The following ZSWIM4 variants were observed in gnomAD, a reference collection of about 807,000 sequenced individuals.
ZSWIM4 encodes zinc finger SWIM domain-containing protein 4.
ZSWIM4 carries 62 observed loss-of-function variants against 102.5 expected under a neutral mutation model. The ratio of observed to expected loss-of-function variants is 0.60; its 90% CI spans 0.49 to 0.75. The LOEUF is 0.75. ZSWIM4 is among the 30% of genes least tolerant of loss of function. The probability of loss-of-function intolerance (pLI) is 0.00; values close to 1 mark genes in which losing one functional copy is unlikely to be tolerated. For missense variants in ZSWIM4, 1,280 were observed against 1,529.6 expected (o/e 0.84, Z 2.72); for synonymous variants, 652 against 674.5 (o/e 0.97, Z 0.52).
chr19:13,810,167 TG>T (rs1442068062), intron 5 of ZSWIM4, among the ~76,000 whole-genome samples: 2 of 151,330 alleles, frequency 1.3e-5, no homozygotes, highest in African/African-American at 4.9e-5. Flanking sequence ...GCTAATTTTT[TG>T]TATTTTTTTT....
In ZSWIM4 at chr19:13,810,770, C is replaced by T. The variant is rs182477446; in HGVS notation, c.1012+1550C>T. Among the ~76,000 whole-genome samples, 178 of 151,660 alleles carry T rather than the reference C, an allele frequency of 1.2e-3. 1 individual carries two copies. Among genetic ancestry groups the T allele is most frequent in the East Asian group, 7.8e-4 (4 of 5,160 alleles). ...GACTACAGAGGCCCACCACCACGCC[C>T]GGCTAATTTTTTTGTATTTTTAGTA... is the stretch of plus-strand genomic sequence containing the variant. On this transcript the variant is annotated intron_variant, in intron 5 of 13. Coordinates refer to ENST00000590508, the MANE Select transcript of ZSWIM4 (RefSeq NM_001367834.3).
chr19:13,816,744 T>C (rs887193106), intron 7 of ZSWIM4, among the ~76,000 whole-genome samples: 9 of 151,002 alleles, frequency 6.0e-5, no homozygotes, highest in African/African-American at 2.2e-4. Flanking sequence ...GGGAAGAGAG[T>C]ACGTGGCTTG....
At chr19:13,804,617 A>G (rs559192690) in intron 2 of ZSWIM4, among the ~76,000 whole-genome samples, 175 bp from the exon 3 acceptor site, 12 of 151,964 alleles carry the variant, frequency 7.9e-5, no homozygotes, top group Non-Finnish European at 1.3e-4. Context: ...ACTACACTCC[A>G]GCCTGGGCCA....
At chr19:13,817,471 C>T in intron 8 of ZSWIM4, 118 bp downstream of exon 8, 1 of 1,354,810 alleles carries the variant, frequency 7.4e-7, no homozygotes. Flanking sequence ...CACGCCCCTA[C>T]CCTTGGCTAC....
At chr19:13,808,035 C>G (rs1347398568) in intron 3 of ZSWIM4, among the ~76,000 whole-genome samples, 6 of 152,064 alleles carry the variant, frequency 3.9e-5, no homozygotes, top group Non-Finnish European at 7.3e-5. Flanking sequence ...CTTCACATGG[C>G]TGTCAGGAGA....
chr19:13,807,754 CATGG>C (rs368459784), intron 3 of ZSWIM4, among the ~76,000 whole-genome samples: 4,226 of 139,278 alleles, frequency 0.03, 94 homozygotes, highest in African/African-American at 0.066. Flanking sequence ...TGGATGGATG[CATGG>C]ATGGATGGAT....
intron 3 of ZSWIM4, among the ~76,000 whole-genome samples, chr19:13,808,314 T>G (rs1325695863): frequency 6.6e-6 from 1 of 151,168 alleles, no homozygotes; most frequent in Non-Finnish European, 1.5e-5. Context: ...ACAAGATAGA[T>G]GGATTGATGG....
Position 13,809,248 on chromosome 19 carries a change from G to A in ZSWIM4, c.1012+28G>A. 6.4e-7 allele frequency: 1 copy of A among 1,570,448 alleles called. No homozygotes were observed. Among genetic ancestry groups the A allele is most frequent in the Non-Finnish European group, 8.6e-7 (1 of 1,157,980 alleles). ...GAGGCCCAAACCCCGGTGCGTGGTG[G>A]ACACCGGGACTTCGGCTCCCATGGG... On this transcript the variant is annotated intron_variant, in intron 5 of 13. Transcript: ENST00000590508. This position sits in a 1 kb window ranked among gnomAD's most constrained non-coding sequence, Gnocchi z 4.2.
At chr19:13,800,446 TAG>T (rs1449664931) in intron 2 of ZSWIM4, among the ~76,000 whole-genome samples, 33 of 151,964 alleles carry the variant, frequency 2.2e-4, no homozygotes, top group African/African-American at 7.7e-4. Flanking sequence ...TTTGTATTTT[TAG>T]TAGAGACGGG....
rs1485748052 is a variant in ZSWIM4, at chr19:13,808,827, T to C, written c.713-9T>C. 5.5e-6 allele frequency: 8 copies of C among 1,449,554 alleles called. No homozygotes were observed. The highest frequency in any genetic ancestry group is 7.4e-6 in the Non-Finnish European group (8 of 1,083,238). The allele number at this position is 1,449,554 out of a possible 1,614,324, so 89.8% of individuals were successfully genotyped here. A position where few individuals can be genotyped will look rare whatever the true frequency, so the allele number is the denominator to read the frequency against. ...CCAGCCTCAGCTTCCTTTCCCTCCC[T>C]CCCGGCAGGTGCCCCAGACCCCACC... On this transcript the variant is annotated splice_polypyrimidine_tract_variant and intron_variant, in intron 3 of 13. Transcript: ENST00000590508.
chr19:13,820,144 G>T (rs182830044), intron 10 of ZSWIM4, among the ~76,000 whole-genome samples: 301 of 152,112 alleles, frequency 2.0e-3, no homozygotes, highest in Non-Finnish European at 3.5e-3. Context: ...TGATCCACCC[G>T]CCTTGGCCTC....
intron 10 of ZSWIM4, among the ~76,000 whole-genome samples, chr19:13,819,929 C>T (rs1035421398): frequency 6.6e-6 from 1 of 151,658 alleles, no homozygotes; most frequent in African/African-American, 2.4e-5. Context: ...CTCCCAGGGC[C>T]GATCTCAGCT....
chr19:13,817,341 A>G lies in ZSWIM4; in HGVS notation c.1657A>G (p.Thr553Ala). The change falls in exon 8 of 14, where the codon ACC becomes GCC. Residue 553 changes from threonine (T) to alanine (A), a missense_variant. Physicochemically the swap from Thr to Ala is moderately conservative, Grantham distance 58. Coordinates refer to ENST00000590508, the MANE Select transcript of ZSWIM4 (RefSeq NM_001367834.3). ...EACRLEEETL[T>A]LYPDSGPEKR... Reference sequence around the variant, plus strand: ...CTGTCGTCTGGAGGAGGAGACACTTACCCTTTACCCAGGTACTCACATGGG... The same window carrying G: ...CTGTCGTCTGGAGGAGGAGACACTTGCCCTTTACCCAGGTACTCACATGGG... 1 of 1,613,194 alleles carries G rather than the reference A, an allele frequency of 6.2e-7. No homozygotes were observed.
Position 13,814,616 on chromosome 19 carries a change from C to A in ZSWIM4, c.1282C>A (p.Gln428Lys), listed in dbSNP as rs1364368415. The change falls in exon 7 of 14, where the codon CAG (glutamine) becomes AAG (lysine). Residue 428 changes from glutamine (Q) to lysine (K), a missense_variant. Transcript: ENST00000590508. ...GCTACACTGGAATGACGCCTACCTG[C>A]AGAGGATCCTGGCCAGTGACTCCTA... is the stretch of plus-strand genomic sequence containing the variant. The part of the protein sequence containing the change: ...GELHWNDAYL[Q>K]RILASDSYGP... 2 of 1,247,680 alleles carry A rather than the reference C, an allele frequency of 1.6e-6. No individual in the cohort carries two copies. The highest frequency in any genetic ancestry group is 2.1e-6 in the Non-Finnish European group (2 of 960,560). The allele number at this position is 1,247,680 out of a possible 1,614,324, so 77.3% of individuals were successfully genotyped here.
At chr19:13,817,468 CT>C in intron 8 of ZSWIM4, 115 bp downstream of exon 8, 1 of 1,350,254 alleles carries the variant, frequency 7.4e-7, no homozygotes, top group African/African-American at 1.5e-5. Flanking sequence ...GGCCACGCCC[CT>C]ACCCTTGGCT....
intron 1 of ZSWIM4, among the ~76,000 whole-genome samples, chr19:13,797,765 G>A (rs896968853): frequency 1.1e-4 from 16 of 152,242 alleles, no homozygotes; most frequent in Admixed American, 3.9e-4. Context: ...CAATTCTCCC[G>A]CCTCAGCCTC....
rs1366052056 is a variant in ZSWIM4, at chr19:13,813,075, G to A, written c.1091G>A (p.Arg364Lys). 2 of 1,614,008 alleles carry A rather than the reference G, an allele frequency of 1.2e-6. No individual in the cohort carries two copies. The highest frequency in any genetic ancestry group is 2.2e-5 in the East Asian group (1 of 44,872). The change falls in exon 6 of 14, where the codon AGG (arginine) becomes AAG (lysine). Residue 364 changes from arginine (R) to lysine (K), a missense_variant. Arg to Lys is a conservative substitution (Grantham distance 26, BLOSUM62 2). Coordinates refer to ENST00000590508, the MANE Select transcript of ZSWIM4 (RefSeq NM_001367834.3). ...ERAGWLQLLS[R>K]WDKLDVCPLE... ...GCAGGCTGGCTCCAGCTACTCAGCA[G>A]GTGGGACAAGCTCGACGTCTGCCCA...
At position 13,831,209 on chromosome 19, in the gene ZSWIM4, C is replaced by A; in HGVS notation, c.*159C>A. On this transcript the variant is annotated 3_prime_UTR_variant, in exon 14 of 14. Coordinates refer to ENST00000590508, the MANE Select transcript of ZSWIM4 (RefSeq NM_001367834.3). ...GGAGCAGCATCCTGCCACGTGTGTG[C>A]CTGGGAGTCTGTGAGCAAGTGTGCA... The A allele has an allele frequency of 1.1e-6, 1 of 922,034 alleles. No homozygotes were observed. The highest frequency in any genetic ancestry group is 1.6e-6 in the Non-Finnish European group (1 of 634,716). 57.1% of individuals were successfully genotyped at this position (922,034 alleles called of 1,614,324 possible).
chr19:13,831,126 C>A lies in ZSWIM4; in HGVS notation c.*76C>A. 1 of 1,493,340 alleles carries A rather than the reference C, an allele frequency of 6.7e-7. No individual in the cohort carries two copies. Among genetic ancestry groups the A allele is most frequent in the South Asian group, 1.3e-5 (1 of 74,302 alleles). 92.5% of individuals were successfully genotyped at this position (1,493,340 alleles called of 1,614,324 possible). On this transcript the variant is annotated 3_prime_UTR_variant, in exon 14 of 14. Transcript: ENST00000590508. ...CACCCTTGCTCTCCAATTAGGCCCA[C>A]GTGGCATTTCAGTATTATTAAGTCA...
Sources: allele counts gnomAD v4.1 joint callset (sites outside exome capture counted in the v4.1 genomes callset), GRCh38; gene constraint gnomAD v4.1.1; non-coding constraint Gnocchi (gnomAD v3.1); transcripts MANE v1.5; gene names NCBI Gene and HGNC (gene_info 2026-07-23, HGNC 2026-07-21).